Variants in EPHX1 observed in about 807,000 individuals in gnomAD.
EPHX1 encodes the protein epoxide hydratase.
EPHX1 carries 40 observed loss-of-function variants against 43.2 expected under a neutral mutation model. The ratio of observed to expected loss-of-function variants is 0.93; its 90% CI spans 0.72 to 1.21. The LOEUF (loss-of-function observed/expected upper bound fraction) is 1.21, where lower values mean the gene tolerates loss of function less well. EPHX1 is among the 50% of genes most tolerant of loss of function. The pLI is 0.00. For missense variants in EPHX1, 550 were observed against 570.4 expected (o/e 0.96, Z 0.36); for synonymous variants, 221 against 226.7 (o/e 0.98, Z 0.22).
chr1:225,839,727 T>G (rs1442314046), intron 5 of EPHX1, 102 bp from the exon 6 acceptor site: 10 of 1,267,212 alleles, frequency 7.9e-6, no homozygotes, highest in African/African-American at 1.5e-5. Flanking sequence ...GCTGGCTCTG[T>G]GCTCGCTCCT....
In EPHX1 at chr1:225,840,013, C is replaced by T; in HGVS notation, c.907C>T (p.Gln303Ter). Residue 303 changes from glutamine to a stop codon, truncating the protein, a stop_gained, in exon 6 of 9, where the codon CAG becomes TAG. Coordinates refer to ENST00000272167, the MANE Select transcript of EPHX1 (RefSeq NM_001136018.4). LOFTEE classifies it high-confidence loss of function. The part of the protein sequence containing the change: ...LMRESGYMHI[Q>*]CTKPDTVGSA... ...GAGGGAGAGCGGCTACATGCACATCCAGTGCACCAAGCCTGACACCGTAGG... is the reference window on the plus strand; with the variant it reads ...GAGGGAGAGCGGCTACATGCACATCTAGTGCACCAAGCCTGACACCGTAGG... 6.2e-7 allele frequency: 1 copy of T among 1,614,128 alleles called. No homozygotes were observed. Among genetic ancestry groups the T allele is most frequent in the East Asian group, 2.2e-5 (1 of 44,874 alleles).
chr1:225,826,447 CAAAAAAAA>C (rs374232833), intron 1 of EPHX1, among the ~76,000 whole-genome samples: 2 of 84,172 alleles, frequency 2.4e-5, no homozygotes, highest in Admixed American at 1.4e-4. Flanking sequence ...GACTCTGTCT[CAAAAAAAA>C]AAAAAAAAAA....
intron 8 of EPHX1, 136 bp downstream of exon 8, chr1:225,844,759 G>A: frequency 7.1e-7 from 1 of 1,401,104 alleles, no homozygotes; most frequent in Non-Finnish European, 9.7e-7. Context: ...GCCCTTGGAT[G>A]GGAACACTAA....
Position 225,839,471 on chromosome 1 carries a change from T to C in EPHX1, c.722+125T>C, listed in dbSNP as rs181399999. 1,380 of 1,518,644 alleles carry C rather than the reference T, an allele frequency of 9.1e-4. 5 individuals carry two copies. Among genetic ancestry groups the C allele is most frequent in the Admixed American group, 1.8e-3 (93 of 50,830 alleles). The allele number at this position is 1,518,644 out of a possible 1,614,324, so 94.1% of individuals were successfully genotyped here. ...CCAGGGGAGAGGAGGGAGTGTGACC[T>C]GTCACTCAGCAGTGCCTGAGGCACG... On this transcript the variant is annotated intron_variant, in intron 5 of 8. Coordinates refer to ENST00000272167, the MANE Select transcript of EPHX1 (RefSeq NM_001136018.4).
intron 6 of EPHX1, chr1:225,841,308 A>G (rs1335497411): frequency 2.6e-5 from 4 of 152,176 alleles, no homozygotes; most frequent in Admixed American, 2.0e-4. Context: ...CTCAAGACCC[A>G]GTCTGGCTCT....
At chr1:225,840,404 C>T (rs755631380) in intron 6 of EPHX1, among the ~76,000 whole-genome samples, 2 of 152,074 alleles carry the variant, frequency 1.3e-5, no homozygotes, top group Non-Finnish European at 2.9e-5. Flanking sequence ...AGAGGGTGCC[C>T]TGGGGCCTTG....
In EPHX1 at chr1:225,845,230, C is replaced by T. The variant is rs1202367237; in HGVS notation, c.1251C>T (p.Tyr417=). 1 of 1,613,984 alleles carries T rather than the reference C, an allele frequency of 6.2e-7. No individual in the cohort carries two copies. The highest frequency in any genetic ancestry group is 8.5e-7 in the Non-Finnish European group (1 of 1,180,018). Residue 417 remains tyrosine, a synonymous_variant, in exon 9 of 9, where the codon TAC becomes TAT. Coordinates refer to ENST00000272167, the MANE Select transcript of EPHX1 (RefSeq NM_001136018.4). ...HTPEKWVRFK[Y]PKLISYSYMV... Reference sequence around the variant, plus strand: ...CTGAAAAGTGGGTGAGGTTCAAGTACCCAAAGCTCATCTCCTATTCCTACA... The same window carrying T: ...CTGAAAAGTGGGTGAGGTTCAAGTATCCAAAGCTCATCTCCTATTCCTACA...
rs1351960564 is a variant in EPHX1 at position 225,817,637 on chromosome 1, T to C, written c.-6+7468T>C. ...TCCCTTACCCTCTCTGCCCCCACAC[T>C]TTCCTCCCCAAAGTGGCAGACTTCC... On this transcript the variant is annotated intron_variant, in intron 1 of 8. Transcript: ENST00000272167. The surrounding 1 kb of genome is among the most constrained non-coding windows in gnomAD (Gnocchi z 5.7). Among the ~76,000 whole-genome samples the C allele has an allele frequency of 6.6e-6, 1 of 152,130 alleles. No homozygotes were observed. The highest frequency in any genetic ancestry group is 2.4e-5 in the African/African-American group (1 of 41,432).
chr1:225,812,933 G>A (rs1169358621), intron 1 of EPHX1, among the ~76,000 whole-genome samples: 1 of 152,170 alleles, frequency 6.6e-6, no homozygotes, highest in African/African-American at 2.4e-5. Flanking sequence ...TCATTCCTTT[G>A]AGAGGTAATA....
chr1:225,823,144 T>G (rs1393992736), intron 1 of EPHX1, among the ~76,000 whole-genome samples: 1 of 151,964 alleles, frequency 6.6e-6, no homozygotes, highest in African/African-American at 2.4e-5. Context: ...TAGTAAACAG[T>G]GGAGCCGAGA....
intron 1 of EPHX1, among the ~76,000 whole-genome samples, chr1:225,818,023 A>G (rs1469561500): frequency 2.0e-5 from 3 of 151,956 alleles, no homozygotes; most frequent in Non-Finnish European, 2.9e-5. Context: ...AAACCCTGAT[A>G]TTTGTAGTGC....
chr1:225,845,018 CCTTTT>C, intron 8 of EPHX1, 123 bp from the exon 9 acceptor site: 1 of 1,045,786 alleles, frequency 9.6e-7, no homozygotes, highest in Non-Finnish European at 1.5e-6. Context: ...CTGGATTTGT[CCTTTT>C]CTTTATGGCT....
intron 2 of EPHX1, among the ~76,000 whole-genome samples, chr1:225,831,339 A>G (rs913163353): frequency 1.3e-5 from 2 of 152,200 alleles, no homozygotes; most frequent in African/African-American, 4.8e-5. Context: ...ACTTGAAGCC[A>G]GGAGTTCAAG....
In EPHX1 at chr1:225,817,165, G is replaced by A. The variant is rs1468518166; in HGVS notation, c.-6+6996G>A. ...GCACAATCCCAGCTTGCCTGCATCC[G>A]GCCTCTTCCATCCTGAGTCTCCAGG... On this transcript the variant is annotated intron_variant, in intron 1 of 8. Coordinates refer to ENST00000272167, the MANE Select transcript of EPHX1 (RefSeq NM_001136018.4). The surrounding 1 kb of genome is among the most constrained non-coding windows in gnomAD (Gnocchi z 5.7). Among the ~76,000 whole-genome samples, 2 of 152,262 alleles carry A rather than the reference G, an allele frequency of 1.3e-5. No individual in the cohort carries two copies. The highest frequency in any genetic ancestry group is 3.9e-4 in the East Asian group (2 of 5,180).
chr1:225,812,285 A>C (rs764991791), intron 1 of EPHX1, among the ~76,000 whole-genome samples: 1 of 152,214 alleles, frequency 6.6e-6, no homozygotes, highest in Non-Finnish European at 1.5e-5. Flanking sequence ...CTACTCAGCA[A>C]GACAGCCAGG....
chr1:225,833,663 C>T (rs1479705079), intron 3 of EPHX1, among the ~76,000 whole-genome samples: 5 of 151,712 alleles, frequency 3.3e-5, no homozygotes, highest in East Asian at 1.9e-4. Flanking sequence ...GGTGTGGTGG[C>T]GGGTGCCTGT....
chr1:225,845,276 G>A lies in EPHX1; in HGVS notation c.1297G>A (p.Ala433Thr). ...YSYMVRGGHF[A>T]AFEEPELLAQ... ...CTACATGGTTCGTGGGGGCCACTTT[G>A]CGGCCTTTGAGGAGCCGGAGCTGCT... Residue 433 changes from alanine to threonine, a missense_variant, in exon 9 of 9, where the codon GCG becomes ACG. Physicochemically the swap from Ala to Thr is moderately conservative, Grantham distance 58. Transcript: ENST00000272167. 1.1e-5 allele frequency: 18 copies of A among 1,613,584 alleles called. No individual in the cohort carries two copies. The highest frequency in any genetic ancestry group is 1.4e-5 in the Non-Finnish European group (17 of 1,180,016).
rs1471981664 is a variant in EPHX1, at chr1:225,838,656, C to T, written c.367C>T (p.Leu123=). 3 of 1,613,276 alleles carry T rather than the reference C, an allele frequency of 1.9e-6. No individual in the cohort carries two copies. In the South Asian group the frequency reaches 3.3e-5, roughly 18 times the overall value. Residue 123 remains leucine, a splice_region_variant and synonymous_variant, in exon 4 of 9, where the codon CTG becomes TTG. Transcript: ENST00000272167. ...YPHFKTKIEG[L]DIHFIHVKPP... Reference sequence around the variant, plus strand: ...CTGACTGTGCTCTGTCCCCCCAGGGCTGGACATCCACTTCATCCACGTGAA... The same window carrying T: ...CTGACTGTGCTCTGTCCCCCCAGGGTTGGACATCCACTTCATCCACGTGAA...
At chr1:225,833,795 T>TAAAA (rs765544660) in intron 3 of EPHX1, among the ~76,000 whole-genome samples, 3 of 108,648 alleles carry the variant, frequency 2.8e-5, no homozygotes, top group Non-Finnish European at 5.6e-5. Context: ...ACTCTGTCTT[T>TAAAA]AAAAAAAAAA....
Sources: allele counts gnomAD v4.1 joint callset (sites outside exome capture counted in the v4.1 genomes callset), GRCh38; gene constraint gnomAD v4.1.1; non-coding constraint Gnocchi (gnomAD v3.1); transcripts MANE v1.5; gene names NCBI Gene and HGNC (gene_info 2026-07-23, HGNC 2026-07-21).